RANBP2: variants seen among roughly 807,000 people sequenced by gnomAD.
RANBP2 encodes RAN binding protein 2.
In RANBP2, 57 loss-of-function variants were observed where a neutral mutation model predicts 303.6. That is an observed-to-expected ratio of 0.19 (90% CI 0.15 to 0.23). The LOEUF is 0.23. RANBP2 is among the 10% of genes least tolerant of loss of function. The pLI is 1.00. For missense variants in RANBP2, 3,138 were observed against 3,780.8 expected, an observed-to-expected ratio of 0.83 and a Z score of 4.46; for synonymous variants, 1,167 against 1,301.5, an observed-to-expected ratio of 0.90 and a Z score of 2.23.
At chr2:108,911,625 C>A in the RANBP2 span, among the ~76,000 whole-genome samples, 1 of 152,294 alleles carries the variant, frequency 6.6e-6, no homozygotes. Context: ...CCCTCAGTCA[C>A]CCCGGGGGAT....
chr2:108,913,810 C>T, the RANBP2 span, among the ~76,000 whole-genome samples: 18 of 151,862 alleles, frequency 1.2e-4, no homozygotes, highest in African/African-American at 2.9e-4. Context: ...ATTAGCCGGG[C>T]GTGGTGGCAG....
In RANBP2 at chr2:108,785,302, A is replaced by G. The variant is rs983527934; in HGVS notation, c.*1401A>G. ...AGATACTTGAAATAAACCTACTCCA[A>G]ATGTATCAGTTCAGTCTTGAACCAT... On this transcript the variant is annotated 3_prime_UTR_variant, in exon 29 of 29. Transcript: ENST00000283195. 2 of 152,176 alleles carry G rather than the reference A, an allele frequency of 1.3e-5. No homozygotes were observed. Among genetic ancestry groups the G allele is most frequent in the African/African-American group, 4.8e-5 (2 of 41,434 alleles). 9.4% of individuals were successfully genotyped at this position (152,176 alleles called of 1,614,324 possible).
the RANBP2 span, among the ~76,000 whole-genome samples, chr2:109,472,682 T>G: frequency 6.6e-6 from 1 of 152,216 alleles, no homozygotes; most frequent in South Asian, 2.1e-4. Flanking sequence ...TTTTCCTGTT[T>G]CATTCCAGAC....
the RANBP2 span, among the ~76,000 whole-genome samples, chr2:109,245,835 CA>C: frequency 6.6e-6 from 1 of 152,130 alleles, no homozygotes; most frequent in African/African-American, 2.4e-5. Flanking sequence ...TTTGTAAATC[CA>C]TCATGAGAGA....
At chr2:109,028,379 G>A in the RANBP2 span, among the ~76,000 whole-genome samples, 213 of 152,292 alleles carry the variant, frequency 1.4e-3, no homozygotes, top group African/African-American at 4.9e-3. Flanking sequence ...GCTGGGCCAC[G>A]GCCCTTACCT....
chr2:109,436,013 C>T, the RANBP2 span, among the ~76,000 whole-genome samples: 1 of 152,118 alleles, frequency 6.6e-6, no homozygotes, highest in Non-Finnish European at 1.5e-5. Context: ...CCGGGAGCTT[C>T]CCTGCTAGAG....
chr2:108,867,503 A>G, the RANBP2 span, among the ~76,000 whole-genome samples: 2 of 152,196 alleles, frequency 1.3e-5, no homozygotes, highest in African/African-American at 2.4e-5. Context: ...CTGCTCCAAG[A>G]GTGTCTTTGT....
chr2:109,130,118 G>C, the RANBP2 span: 1 of 1,302,008 alleles, frequency 7.7e-7, no homozygotes, highest in Non-Finnish European at 9.7e-7. Context: ...GCAAAGGTGA[G>C]TATCTGTCTC....
At chr2:108,962,792 A>G in the RANBP2 span, among the ~76,000 whole-genome samples, 1 of 151,878 alleles carries the variant, frequency 6.6e-6, no homozygotes, top group Non-Finnish European at 1.5e-5. Context: ...TTCAAAACCA[A>G]CCGCAGTACC....
At chr2:109,312,943 CTA>C in the RANBP2 span, among the ~76,000 whole-genome samples, 1 of 152,160 alleles carries the variant, frequency 6.6e-6, no homozygotes, top group African/African-American at 2.4e-5. Flanking sequence ...AAGAGCCGCC[CTA>C]TGTTTTCCAC....
chr2:109,179,491 A>C, the RANBP2 span, among the ~76,000 whole-genome samples: 3 of 152,158 alleles, frequency 2.0e-5, no homozygotes, highest in African/African-American at 7.2e-5. Context: ...GCTATAATAT[A>C]ATACCAAAGA....
chr2:109,718,198 G>A, the RANBP2 span, among the ~76,000 whole-genome samples: 4 of 152,206 alleles, frequency 2.6e-5, no homozygotes, highest in East Asian at 7.7e-4. Context: ...TTACAATCTG[G>A]CCCAGCACTT....
the RANBP2 span, among the ~76,000 whole-genome samples, chr2:109,332,211 C>G: frequency 6.6e-6 from 1 of 152,146 alleles, no homozygotes; most frequent in Non-Finnish European, 1.5e-5. Context: ...TCATGGGACC[C>G]CTAACAGACC....
At chr2:108,727,272 A>G (rs1027739317) in intron 1 of RANBP2, among the ~76,000 whole-genome samples, 36 of 152,162 alleles carry the variant, frequency 2.4e-4, no homozygotes, top group African/African-American at 8.4e-4. Flanking sequence ...AAGATCATAT[A>G]CTGGAGTTGC....
At chr2:109,216,271 G>C in the RANBP2 span, among the ~76,000 whole-genome samples, 3 of 152,218 alleles carry the variant, frequency 2.0e-5, no homozygotes, top group Non-Finnish European at 4.4e-5. Context: ...GCCAGCTCTA[G>C]CCCTGACTTA....
At chr2:109,041,121 T>C in the RANBP2 span, among the ~76,000 whole-genome samples, 1 of 152,244 alleles carries the variant, frequency 6.6e-6, no homozygotes, top group Admixed American at 6.5e-5. Context: ...TTTGGTTGTT[T>C]ACTGGTATAT....
chr2:108,852,305 G>A, the RANBP2 span, among the ~76,000 whole-genome samples: 2 of 152,166 alleles, frequency 1.3e-5, no homozygotes. Flanking sequence ...CTGTTTGTGG[G>A]AGTGTAAATT....
chr2:108,721,802 C>T (rs962122227), intron 1 of RANBP2, among the ~76,000 whole-genome samples: 5 of 152,124 alleles, frequency 3.3e-5, no homozygotes, highest in African/African-American at 4.8e-5. Context: ...AGTGCTGTGG[C>T]GGGATCGTGG....
At chr2:108,961,246 G>A in the RANBP2 span, among the ~76,000 whole-genome samples, 7 of 152,316 alleles carry the variant, frequency 4.6e-5, no homozygotes, top group East Asian at 1.2e-3. Context: ...ACCAGATTCA[G>A]GAAAGGGAAC....
Sources: gnomAD v4.1 joint callset for allele counts (sites outside exome capture counted in the v4.1 genomes callset) on GRCh38, gnomAD v4.1.1 for gene constraint, MANE v1.5 for transcripts, NCBI Gene and HGNC (gene_info 2026-07-23, HGNC 2026-07-21) for gene names.